Variants in ZNF682 observed in about 807,000 individuals in gnomAD.
The protein encoded by ZNF682 is zinc finger protein 682.
Under a neutral mutation model 36.5 loss-of-function variants are expected in ZNF682, and 29 were observed. The observed-to-expected ratio is 0.80, with a 90% confidence interval of 0.59 to 1.08. The LOEUF is 1.08. Ranked by LOEUF, ZNF682 falls within the 50% of genes least tolerant of loss-of-function variation. The probability of loss-of-function intolerance (pLI) is 0.00; values close to 1 mark genes in which losing one functional copy is unlikely to be tolerated. For missense variants in ZNF682, 561 were observed against 579.7 expected (o/e 0.97, Z 0.33); for synonymous variants, 180 against 197.0 (o/e 0.91, Z 0.72).
chr19:20,027,993 C>A (rs1189366865), intron 1 of ZNF682, among the ~76,000 whole-genome samples: 1 of 152,138 alleles, frequency 6.6e-6, no homozygotes, highest in Non-Finnish European at 1.5e-5. Context: ...CTTTATCTTA[C>A]AATTACATGG....
In ZNF682 at chr19:20,005,199, C is replaced by T. The variant is rs932247115; in HGVS notation, c.*806G>A. The T allele has an allele frequency of 6.6e-6, 1 of 152,038 alleles. No individual in the cohort carries two copies. The highest frequency in any genetic ancestry group is 1.5e-5 in the Non-Finnish European group (1 of 68,040). 9.4% of individuals were successfully genotyped at this position (152,038 alleles called of 1,614,324 possible). A position where few individuals can be genotyped will look rare whatever the true frequency, so the allele number is the denominator to read the frequency against. On this transcript the variant is annotated 3_prime_UTR_variant, in exon 4 of 4. Transcript: ENST00000397165. ...ACGCCATTCTCCTGCCTCAGCCTCT[C>T]CCAGTAGCTGGGACTACAGGCACCC...
chr19:19,995,870 C>T (rs1017892451), downstream of ZNF682, among the ~76,000 whole-genome samples: 1 of 152,102 alleles, frequency 6.6e-6, no homozygotes, highest in Non-Finnish European at 1.5e-5. Flanking sequence ...AATTAAGTAT[C>T]TGACAACACA....
At chr19:20,031,005 A>C (rs908090815) in intron 1 of ZNF682, 1 of 152,254 alleles carries the variant, frequency 6.6e-6, no homozygotes, top group Non-Finnish European at 1.5e-5. Context: ...CAGTCTGCAC[A>C]CAACAACCTC....
chr19:20,004,828 T>C lies in ZNF682; in HGVS notation c.*1177A>G, dbSNP rs1167158447. The C allele has an allele frequency of 1.9e-5, 1 of 53,470 alleles. No homozygotes were observed. The highest frequency in any genetic ancestry group is 1.9e-4 in the Admixed American group (1 of 5,162). 3.3% of individuals were successfully genotyped at this position (53,470 alleles called of 1,614,324 possible). ...GCCTTTGTAAAAATCTAAAATTCTT[T>C]CAATGCAAAAAGTGTACTTTGAATA... On this transcript the variant is annotated 3_prime_UTR_variant, in exon 4 of 4. Transcript: ENST00000397165.
At chr19:20,001,998 A>T (rs902233903), downstream of ZNF682, among the ~76,000 whole-genome samples, 1 of 152,196 alleles carries the variant, frequency 6.6e-6, no homozygotes, top group Non-Finnish European at 1.5e-5. Context: ...GGAGGTGTGC[A>T]GGGGATTTAG....
intron 3 of ZNF682, chr19:20,015,326 C>T: frequency 2.0e-6 from 2 of 985,168 alleles, no homozygotes; most frequent in Non-Finnish European, 2.4e-6. Flanking sequence ...GAGTCACAAA[C>T]AAAATGGGGT....
chr19:20,012,543 G>A (rs1359509965), intron 3 of ZNF682, among the ~76,000 whole-genome samples: 1 of 152,062 alleles, frequency 6.6e-6, no homozygotes, highest in Non-Finnish European at 1.5e-5. Flanking sequence ...CGAGGCGGGT[G>A]GATCACGAGG....
intron 1 of ZNF682, among the ~76,000 whole-genome samples, chr19:20,035,809 C>T (rs1483048522): frequency 1.3e-5 from 2 of 151,616 alleles, no homozygotes; most frequent in Non-Finnish European, 2.9e-5. Context: ...GATCCTGGCT[C>T]ACTGCAACCT....
intron 3 of ZNF682, among the ~76,000 whole-genome samples, chr19:20,018,311 G>A (rs2088355688): frequency 6.6e-6 from 1 of 151,404 alleles, no homozygotes. Flanking sequence ...AGCCGGGATG[G>A]TCTCGATCTC....
intron 3 of ZNF682, among the ~76,000 whole-genome samples, chr19:20,009,159 A>C (rs1220685610): frequency 6.6e-6 from 1 of 152,226 alleles, no homozygotes; most frequent in African/African-American, 2.4e-5. Flanking sequence ...AAAGGATCTC[A>C]CTAGTTCCTT....
intron 1 of ZNF682, among the ~76,000 whole-genome samples, chr19:20,038,693 T>C (rs994445743): frequency 6.6e-6 from 1 of 151,910 alleles, no homozygotes; most frequent in Non-Finnish European, 1.5e-5. Flanking sequence ...ATTTTTCAGA[T>C]TTAAGCAACC....
intron 3 of ZNF682, among the ~76,000 whole-genome samples, chr19:20,016,156 C>A (rs1326783210): frequency 1.3e-5 from 2 of 152,058 alleles, no homozygotes; most frequent in Non-Finnish European, 2.9e-5. Flanking sequence ...AGAAAGAATA[C>A]AAAAATTAGC....
downstream of ZNF682, among the ~76,000 whole-genome samples, chr19:20,003,939 A>G (rs1195280022): frequency 4.6e-5 from 7 of 152,202 alleles, no homozygotes; most frequent in African/African-American, 1.7e-4. Flanking sequence ...TTTCTTCTCA[A>G]AATAGGTACA....
chr19:19,996,700 A>G (rs1254063335), downstream of ZNF682, among the ~76,000 whole-genome samples: 1 of 152,194 alleles, frequency 6.6e-6, no homozygotes, highest in Non-Finnish European at 1.5e-5. Flanking sequence ...GTAAGGGATA[A>G]AAGGCTACAC....
rs117902742 is a variant in ZNF682 at position 20,005,667 on chromosome 19, G to A, written c.*338C>T. The A allele has an allele frequency of 4.0e-4, 100 of 248,010 alleles. 1 individual carries two copies. In the East Asian group the frequency reaches 6.0e-3, roughly 15 times the overall value. The allele number at this position is 248,010 out of a possible 1,614,324, so 15.4% of individuals were successfully genotyped here. On this transcript the variant is annotated 3_prime_UTR_variant, in exon 4 of 4. Transcript: ENST00000397165. ...ATGTATCACTATCATTACACCTTGT[G>A]TACTCTAAGGCTTTTATTTGGTGAC...
intron 1 of ZNF682, 186 bp downstream of exon 1, chr19:20,039,157 C>T: frequency 2.1e-6 from 3 of 1,400,426 alleles, no homozygotes; most frequent in Non-Finnish European, 2.8e-6. Context: ...GCCCAGGGTC[C>T]CGGCTGCTGG....
At chr19:20,033,495 G>A (rs2088498276) in intron 1 of ZNF682, 1 of 152,232 alleles carries the variant, frequency 6.6e-6, no homozygotes, top group Non-Finnish European at 1.5e-5. Context: ...GAGCACTCCT[G>A]GTTAGAATTG....
intron 1 of ZNF682, among the ~76,000 whole-genome samples, chr19:20,027,418 T>C (rs2088440804): frequency 6.6e-6 from 1 of 152,174 alleles, no homozygotes; most frequent in African/African-American, 2.4e-5. Context: ...CCCACTCCCC[T>C]GCTCCCATGA....
At chr19:20,016,568 TAC>T (rs1422129059) in intron 3 of ZNF682, among the ~76,000 whole-genome samples, 2 of 152,062 alleles carry the variant, frequency 1.3e-5, no homozygotes, top group East Asian at 3.9e-4. Context: ...AAAAAATTAT[TAC>T]AGAGCCACAA....
Sources: gnomAD v4.1 joint callset for allele counts (sites outside exome capture counted in the v4.1 genomes callset) on GRCh38, gnomAD v4.1.1 for gene constraint, MANE v1.5 for transcripts, NCBI Gene and HGNC (gene_info 2026-07-23, HGNC 2026-07-21) for gene names.